Variants in UBXN10 observed in about 807,000 individuals in gnomAD.
The protein encoded by UBXN10 is UBX domain protein 10, also known as UBX domain-containing protein 10.
A neutral mutation model predicts 6.9 loss-of-function variants in UBXN10; 6 were observed. The ratio of observed to expected loss-of-function variants is 0.87; its 90% CI spans 0.48 to 1.72. The LOEUF (loss-of-function observed/expected upper bound fraction) is 1.72, where lower values mean the gene tolerates loss of function less well. Ranked by LOEUF, UBXN10 falls within the 40% of genes most tolerant of loss-of-function variation. The pLI, the probability that UBXN10 is intolerant of heterozygous loss-of-function variation, is 0.01. For synonymous variants in UBXN10, 131 were observed against 135.2 expected, an observed-to-expected ratio of 0.97 and a Z score of 0.21; for missense variants, 317 against 348.4, an observed-to-expected ratio of 0.91 and a Z score of 0.72.
Position 20,192,241 on chromosome 1 carries a change from A to C in UBXN10, c.*837A>C, listed in dbSNP as rs528425510. On this transcript the variant is annotated 3_prime_UTR_variant, in exon 2 of 2. Transcript: ENST00000375099. ...TTAAAATGTACAAACCTATAAGTTT[A>C]AACAGGTTTGTACTGACAACCTCCT... 4 of 167,234 alleles carry C rather than the reference A, an allele frequency of 2.4e-5. No homozygotes were observed. The highest frequency in any genetic ancestry group is 9.6e-5 in the African/African-American group (4 of 41,584). The allele number at this position is 167,234 out of a possible 1,614,324, so 10.4% of individuals were successfully genotyped here.
chr1:20,190,864 G>C lies in UBXN10; in HGVS notation c.303G>C (p.Gln101His), dbSNP rs1320443328. Reference sequence around the variant, plus strand: ...CTGATGAGATCCCTGAGCTGCAGCAGCAAGTACCCACTGGGGCTTCCTCTT... The same window carrying C: ...CTGATGAGATCCCTGAGCTGCAGCACCAAGTACCCACTGGGGCTTCCTCTT... ...GASDEIPELQ[Q>H]QVPTGASSSL... is the part of the protein sequence containing the mutation. Residue 101 changes from glutamine (Q) to histidine (H), a missense_variant, in exon 2 of 2, where the codon CAG becomes CAC. By Grantham distance (24) the Gln-to-His change is conservative. Coordinates refer to ENST00000375099, the MANE Select transcript of UBXN10 (RefSeq NM_152376.5). 6.2e-7 allele frequency: 1 copy of C among 1,613,930 alleles called. No individual in the cohort carries two copies. The highest frequency in any genetic ancestry group is 1.3e-5 in the African/African-American group (1 of 74,924).
Position 20,191,213 on chromosome 1 carries a change from A to G in UBXN10, c.652A>G (p.Thr218Ala). 1 of 1,614,226 alleles carries G rather than the reference A, an allele frequency of 6.2e-7. No individual in the cohort carries two copies. Among genetic ancestry groups the G allele is most frequent in the Non-Finnish European group, 8.5e-7 (1 of 1,180,044 alleles). ...GQRFVRHFRP[T>A]DDLQTIVAVA... ...AAGGTTTGTACGCCATTTCCGGCCAACAGATGATTTGCAAACCATTGTTGC... is the reference window on the plus strand; with the variant it reads ...AAGGTTTGTACGCCATTTCCGGCCAGCAGATGATTTGCAAACCATTGTTGC... The change falls in exon 2 of 2, where the codon ACA becomes GCA. Residue 218 changes from threonine (T) to alanine (A), a missense_variant. Coordinates refer to ENST00000375099, the MANE Select transcript of UBXN10 (RefSeq NM_152376.5). This position sits in a 1 kb window ranked among gnomAD's most constrained non-coding sequence, Gnocchi z 4.5.
chr1:20,183,656 G>A (rs2018313693), upstream of UBXN10, among the ~76,000 whole-genome samples: 1 of 152,228 alleles, frequency 6.6e-6, no homozygotes, highest in South Asian at 2.1e-4. Context: ...TTTGTGGGGA[G>A]GCTGTGGTCA....
chr1:20,193,335 G>C lies in UBXN10; in HGVS notation c.*1931G>C, dbSNP rs2018542700. 6.0e-6 allele frequency: 1 copy of C among 167,120 alleles called. No individual in the cohort carries two copies. Among genetic ancestry groups the C allele is most frequent in the Admixed American group, 6.5e-5 (1 of 15,286 alleles). The allele number at this position is 167,120 out of a possible 1,614,324, so 10.4% of individuals were successfully genotyped here. A position where few individuals can be genotyped will look rare whatever the true frequency, so the allele number is the denominator to read the frequency against. The stretch of plus-strand genomic sequence containing the variant: ...AAGGAGTTAGAATCTTCTGTGCTTA[G>C]GGTTTGCTGCTGCTGGTGAGCTTAG... On this transcript the variant is annotated 3_prime_UTR_variant, in exon 2 of 2. Coordinates refer to ENST00000375099, the MANE Select transcript of UBXN10 (RefSeq NM_152376.5).
chr1:20,188,675 CAT>C (rs2018440464), intron 1 of UBXN10, among the ~76,000 whole-genome samples: 1 of 152,166 alleles, frequency 6.6e-6, no homozygotes, highest in African/African-American at 2.4e-5. Context: ...TTTATTTTCA[CAT>C]GTTTTGAGGC....
upstream of UBXN10, chr1:20,186,074 CG>C (rs1010930789): frequency 2.6e-4 from 40 of 152,090 alleles, no homozygotes; most frequent in African/African-American, 9.2e-4. Context: ...CCCCACCCTG[CG>C]GCGTTGCCCG....
chr1:20,188,897 C>T (rs1052716234), intron 1 of UBXN10, among the ~76,000 whole-genome samples: 7 of 152,122 alleles, frequency 4.6e-5, no homozygotes, highest in East Asian at 1.9e-4. Context: ...CAAACAACGA[C>T]GACAACAAAA....
rs968530840 is a variant in UBXN10, at chr1:20,195,108, G to C, written c.*3704G>C. The stretch of plus-strand genomic sequence containing the variant: ...TAGGTGTTTTATTTTTTGTCTACAC[G>C]GGTGGCGTGCCACTTTCCTTTCCTG... On this transcript the variant is annotated 3_prime_UTR_variant, in exon 2 of 2. Transcript: ENST00000375099. 1 of 167,034 alleles carries C rather than the reference G, an allele frequency of 6.0e-6. No homozygotes were observed. Among genetic ancestry groups the C allele is most frequent in the Non-Finnish European group, 1.5e-5 (1 of 68,112 alleles). The allele number at this position is 167,034 out of a possible 1,614,324, so 10.3% of individuals were successfully genotyped here.
Position 20,191,065 on chromosome 1 carries a change from T to C in UBXN10, c.504T>C (p.Cys168=). 10 of 1,614,034 alleles carry C rather than the reference T, an allele frequency of 6.2e-6. No individual in the cohort carries two copies. Among genetic ancestry groups the C allele is most frequent in the African/African-American group, 1.3e-5 (1 of 74,976 alleles). The change falls in exon 2 of 2, where the codon TGT becomes TGC. Residue 168 remains cysteine, a synonymous_variant. Transcript: ENST00000375099. The surrounding 1 kb of genome is among the most constrained non-coding windows in gnomAD (Gnocchi z 4.5). The stretch of plus-strand genomic sequence containing the variant: ...AAGAAGATTCCAGAGCTCGAGCTTG[T>C]GCCGTGGAGAGGAAATTCATCGTCC... The part of the protein sequence containing the change: ...TSEEDSRARA[C]AVERKFIVRT...
rs751778744 is a variant in UBXN10 at position 20,191,182 on chromosome 1, A to G, written c.621A>G (p.Thr207=). ...TGCTGCTTGCTGTTAGATCACCAAC[A>G]GGCCAAAGGTTTGTACGCCATTTCC... ...PRLLLAVRSP[T]GQRFVRHFRP... The change falls in exon 2 of 2, where the codon ACA becomes ACG. Residue 207 remains threonine, a synonymous_variant. Coordinates refer to ENST00000375099, the MANE Select transcript of UBXN10 (RefSeq NM_152376.5). This position sits in a 1 kb window ranked among gnomAD's most constrained non-coding sequence, Gnocchi z 4.5. 9.9e-6 allele frequency: 16 copies of G among 1,614,134 alleles called. No homozygotes were observed. The Admixed American group carries it at 2.5e-4, about 25-fold the overall frequency.
chr1:20,183,397 G>A (rs2018307241), upstream of UBXN10, among the ~76,000 whole-genome samples: 1 of 152,232 alleles, frequency 6.6e-6, no homozygotes, highest in African/African-American at 2.4e-5. Context: ...CAGGTGAGGA[G>A]CTTGGGGGTG....
At chr1:20,190,129 T>A (rs993961899) in intron 1 of UBXN10, among the ~76,000 whole-genome samples, 1 of 152,162 alleles carries the variant, frequency 6.6e-6, no homozygotes, top group Non-Finnish European at 1.5e-5. Context: ...AAATTCAAAT[T>A]TCAGAGTCCA....
chr1:20,184,142 T>G (rs2018321939), upstream of UBXN10: 1 of 151,988 alleles, frequency 6.6e-6, no homozygotes, highest in South Asian at 2.1e-4. Flanking sequence ...CTGCTGACAT[T>G]AAACAGACCG....
rs2018590374 is a variant in UBXN10, at chr1:20,196,024, A to C, written c.*4620A>C. ...AACAAAGCCATCATTCTGGGGCTTA[A>C]TTAATAAAGCTCCTAGTTTCATAGT... On this transcript the variant is annotated 3_prime_UTR_variant, in exon 2 of 2. Coordinates refer to ENST00000375099, the MANE Select transcript of UBXN10 (RefSeq NM_152376.5). 6.0e-6 allele frequency: 1 copy of C among 165,634 alleles called. No individual in the cohort carries two copies. Among genetic ancestry groups the C allele is most frequent in the Non-Finnish European group, 1.5e-5 (1 of 68,114 alleles). 10.3% of individuals were successfully genotyped at this position (165,634 alleles called of 1,614,324 possible).
rs564486527 is a variant in UBXN10 at position 20,187,743 on chromosome 1, A to G, written c.-16+1590A>G. 6.6e-6 allele frequency among the ~76,000 whole-genome samples: 1 copy of G among 152,308 alleles called. No individual in the cohort carries two copies. Among genetic ancestry groups the G allele is most frequent in the Non-Finnish European group, 1.5e-5 (1 of 68,020 alleles). ...ATCTTATGACCAGGGTGTCTTGAAT[A>G]TGACACCCCCTGAACATGGATAATT... On this transcript the variant is annotated intron_variant, in intron 1 of 1. Coordinates refer to ENST00000375099, the MANE Select transcript of UBXN10 (RefSeq NM_152376.5). The surrounding 1 kb of genome is among the most constrained non-coding windows in gnomAD (Gnocchi z 4.6).
chr1:20,191,087 G>C lies in UBXN10; in HGVS notation c.526G>C (p.Val176Leu). ...RACAVERKFIVRTKKQGSSRA... is the reference protein window; with the variant it reads ...RACAVERKFILRTKKQGSSRA... ...TTGTGCCGTGGAGAGGAAATTCATCGTCCGAACCAAGAAACAGGGCTCTTC... is the reference window on the plus strand; with the variant it reads ...TTGTGCCGTGGAGAGGAAATTCATCCTCCGAACCAAGAAACAGGGCTCTTC... Residue 176 changes from valine to leucine, a missense_variant, in exon 2 of 2, where the codon GTC (valine) becomes CTC (leucine). Physicochemically the swap from Val to Leu is conservative, Grantham distance 32 (BLOSUM62 1). Transcript: ENST00000375099. The surrounding 1 kb of genome is among the most constrained non-coding windows in gnomAD (Gnocchi z 4.5). 1 of 1,614,088 alleles carries C rather than the reference G, an allele frequency of 6.2e-7. No homozygotes were observed. The highest frequency in any genetic ancestry group is 1.6e-4 in the Middle Eastern group (1 of 6,062).
chr1:20,195,937 C>T lies in UBXN10; in HGVS notation c.*4533C>T, dbSNP rs1180903188. ...CCTTCATCCCTCCCTTTCTTGCCACCCTTCCCTCCATTTATTCCAGTCCAG... is the reference window on the plus strand; with the variant it reads ...CCTTCATCCCTCCCTTTCTTGCCACTCTTCCCTCCATTTATTCCAGTCCAG... On this transcript the variant is annotated 3_prime_UTR_variant, in exon 2 of 2. Coordinates refer to ENST00000375099, the MANE Select transcript of UBXN10 (RefSeq NM_152376.5). 1.2e-5 allele frequency: 2 copies of T among 167,050 alleles called. No homozygotes were observed. The highest frequency in any genetic ancestry group is 2.9e-5 in the Non-Finnish European group (2 of 68,118). The allele number at this position is 167,050 out of a possible 1,614,324, so 10.3% of individuals were successfully genotyped here.
chr1:20,185,122 C>T (rs1431009082), upstream of UBXN10, among the ~76,000 whole-genome samples: 4 of 151,948 alleles, frequency 2.6e-5, no homozygotes, highest in African/African-American at 9.7e-5. Context: ...GGTGAAGGGG[C>T]GAGACCCTGT....
At position 20,192,283 on chromosome 1, in the gene UBXN10, G is replaced by A. The variant is rs2018518641; in HGVS notation, c.*879G>A. On this transcript the variant is annotated 3_prime_UTR_variant, in exon 2 of 2. Coordinates refer to ENST00000375099, the MANE Select transcript of UBXN10 (RefSeq NM_152376.5). ...CAACCTCCTTGGCTTATTTGGGGGTGGAGCAATTGTTTTATTCCCCAGTTT... is the reference window on the plus strand; with the variant it reads ...CAACCTCCTTGGCTTATTTGGGGGTAGAGCAATTGTTTTATTCCCCAGTTT... 1 of 167,082 alleles carries A rather than the reference G, an allele frequency of 6.0e-6. No individual in the cohort carries two copies. The highest frequency in any genetic ancestry group is 6.5e-5 in the Admixed American group (1 of 15,284). The allele number at this position is 167,082 out of a possible 1,614,324, so 10.3% of individuals were successfully genotyped here. A position where few individuals can be genotyped will look rare whatever the true frequency, so the allele number is the denominator to read the frequency against.
Sources: gnomAD v4.1 joint callset for allele counts (sites outside exome capture counted in the v4.1 genomes callset) on GRCh38, gnomAD v4.1.1 for gene constraint, Gnocchi (gnomAD v3.1) non-coding constraint, MANE v1.5 for transcripts, NCBI Gene and HGNC (gene_info 2026-07-23, HGNC 2026-07-21) for gene names.